The following PTPRD variants were observed in gnomAD, a reference collection of about 807,000 sequenced individuals.
The protein encoded by PTPRD is protein tyrosine phosphatase receptor type D, also known as receptor-type tyrosine-protein phosphatase delta.
In PTPRD, 34 loss-of-function variants were observed where a neutral mutation model predicts 214.5. The observed-to-expected ratio is 0.16, with a 90% CI of 0.12 to 0.21. The LOEUF (loss-of-function observed/expected upper bound fraction) is 0.21. Ranked by LOEUF, PTPRD falls within the 10% of genes least tolerant of loss-of-function variation. The probability of loss-of-function intolerance (pLI) is 1.00; values close to 1 mark genes in which losing one functional copy is unlikely to be tolerated. For missense variants in PTPRD, 2,545 were observed against 2,398.7 expected, an observed-to-expected ratio of 1.06 and a Z score of -1.27; for synonymous variants, 1,128 against 845.7, an observed-to-expected ratio of 1.33 and a Z score of -5.79.
chr9:9,267,187 A>G (rs939394249), intron 9 of PTPRD, among the ~76,000 whole-genome samples: 1 of 151,278 alleles, frequency 6.6e-6, no homozygotes, highest in African/African-American at 2.4e-5. Flanking sequence ...TTAATACATA[A>G]AGAGCAAAAA....
intron 12 of PTPRD, among the ~76,000 whole-genome samples, chr9:8,644,699 G>C (rs914780202): frequency 6.6e-6 from 1 of 152,196 alleles, no homozygotes; most frequent in African/African-American, 2.4e-5. Context: ...TCCAACCGCT[G>C]CCTCACGGAG....
At chr9:9,571,129 T>C (rs1023971440) in intron 8 of PTPRD, among the ~76,000 whole-genome samples, 1 of 151,356 alleles carries the variant, frequency 6.6e-6, no homozygotes, top group Non-Finnish European at 1.5e-5. Context: ...GAAAAACACA[T>C]GCAATTCTAA....
intron 5 of PTPRD, among the ~76,000 whole-genome samples, chr9:9,874,993 A>G (rs2153723204): frequency 6.6e-6 from 1 of 152,300 alleles, no homozygotes. Flanking sequence ...TAAAGAGCAC[A>G]ATCACTTGTT....
intron 3 of PTPRD, among the ~76,000 whole-genome samples, chr9:10,256,964 C>G (rs2093331585): frequency 6.6e-6 from 1 of 152,110 alleles, no homozygotes; most frequent in South Asian, 2.1e-4. Flanking sequence ...TGATAAATAT[C>G]CCATTATATA....
intron 14 of PTPRD, among the ~76,000 whole-genome samples, chr9:8,571,041 C>A (rs190748914): frequency 1.3e-5 from 2 of 152,000 alleles, no homozygotes; most frequent in Non-Finnish European, 2.9e-5. Context: ...CACATGGCTT[C>A]CACTGAGTGC....
At chr9:10,458,157 T>G (rs985165778) in intron 2 of PTPRD, among the ~76,000 whole-genome samples, 1 of 152,078 alleles carries the variant, frequency 6.6e-6, no homozygotes, top group African/African-American at 2.4e-5. Context: ...CCTTCTTAAC[T>G]TCTTCCATAA....
chr9:10,005,826 A>G (rs941088193), intron 4 of PTPRD, among the ~76,000 whole-genome samples: 1 of 152,094 alleles, frequency 6.6e-6, no homozygotes, highest in Non-Finnish European at 1.5e-5. Flanking sequence ...ATTCATAAAG[A>G]TATTTCATTA....
In PTPRD at chr9:10,290,440, C is replaced by G. The variant is rs1193490954; in HGVS notation, c.-545+50523G>C. Among the ~76,000 whole-genome samples the G allele has an allele frequency of 2.0e-5, 3 of 152,234 alleles. No individual in the cohort carries two copies. In the East Asian group the frequency reaches 5.8e-4, roughly 29 times the overall value. The stretch of plus-strand genomic sequence containing the variant: ...AAAAAGAATGTCAGACATTTGCTTT[C>G]AGGATTATGGTACTACATGAGAAAG... On this transcript the variant is annotated intron_variant, in intron 3 of 45. Transcript: ENST00000381196.
Position 9,894,399 on chromosome 9 carries a change from T to C in PTPRD, c.-368+44108A>G, listed in dbSNP as rs10125811. On this transcript the variant is annotated intron_variant, in intron 5 of 45. Coordinates refer to ENST00000381196, the MANE Select transcript of PTPRD (RefSeq NM_002839.4). The stretch of plus-strand genomic sequence containing the variant: ...TTTCTACTACCTCTCTCAAGGCTCA[T>C]TGTCTCTACAATTTGCCTTTAGCTC... 5.4e-3 allele frequency among the ~76,000 whole-genome samples: 815 copies of C among 152,240 alleles called. 9 individuals carry two copies. Among genetic ancestry groups the C allele is most frequent in the African/African-American group, 0.018 (766 of 41,576 alleles).
chr9:9,273,203 T>C (rs747460579), intron 9 of PTPRD, among the ~76,000 whole-genome samples: 3 of 151,314 alleles, frequency 2.0e-5, no homozygotes, highest in Admixed American at 6.6e-5. Flanking sequence ...GATTTCCAAG[T>C]TGCTAGTAAA....
At chr9:9,494,296 G>C (rs1297768992) in intron 8 of PTPRD, among the ~76,000 whole-genome samples, 1 of 152,220 alleles carries the variant, frequency 6.6e-6, no homozygotes, top group Non-Finnish European at 1.5e-5. Flanking sequence ...GACATGATTT[G>C]AGAAAACTGA....
At chr9:8,485,040 C>T (rs767752201) in intron 29 of PTPRD, among the ~76,000 whole-genome samples, 187 bp downstream of exon 29, 2 of 152,162 alleles carry the variant, frequency 1.3e-5, no homozygotes, top group East Asian at 1.9e-4. Flanking sequence ...GCTCCTGCTC[C>T]TTCTTCAGAG....
At chr9:8,794,852 T>C (rs547130141) in intron 11 of PTPRD, among the ~76,000 whole-genome samples, 4 of 151,598 alleles carry the variant, frequency 2.6e-5, no homozygotes, top group Non-Finnish European at 5.9e-5. Context: ...TATGAACTTA[T>C]GATCATGAAA....
intron 8 of PTPRD, among the ~76,000 whole-genome samples, chr9:9,430,054 C>T (rs1214994970): frequency 6.6e-6 from 1 of 152,140 alleles, no homozygotes; most frequent in African/African-American, 2.4e-5. Context: ...CTGGCCAGGG[C>T]AATCAGGCAG....
chr9:8,916,667 C>A (rs1357975360), intron 11 of PTPRD, among the ~76,000 whole-genome samples: 1 of 152,128 alleles, frequency 6.6e-6, no homozygotes, highest in East Asian at 1.9e-4. Context: ...TTAATATAAT[C>A]AAAAGTAGCA....
chr9:8,585,539 G>C (rs2093579570), intron 14 of PTPRD, among the ~76,000 whole-genome samples: 1 of 152,272 alleles, frequency 6.6e-6, no homozygotes, highest in Non-Finnish European at 1.5e-5. Flanking sequence ...AATTTCATTT[G>C]GGTCACATTA....
At chr9:9,420,258 A>C in intron 8 of PTPRD, among the ~76,000 whole-genome samples, 1 of 151,868 alleles carries the variant, frequency 6.6e-6, no homozygotes, top group East Asian at 1.9e-4. Flanking sequence ...TCTGAAGTGT[A>C]AACTATTTTA....
chr9:8,814,010 C>T (rs1471693753), intron 11 of PTPRD, among the ~76,000 whole-genome samples: 1 of 152,184 alleles, frequency 6.6e-6, no homozygotes, highest in Non-Finnish European at 1.5e-5. Flanking sequence ...ATTTATTTTT[C>T]TCCCCTCTAA....
At chr9:10,610,231 C>G (rs1475991860) in intron 2 of PTPRD, among the ~76,000 whole-genome samples, 2 of 152,122 alleles carry the variant, frequency 1.3e-5, no homozygotes, top group African/African-American at 4.8e-5. Flanking sequence ...AGACAGGGAT[C>G]AAATGCATGT....
Sources: allele counts gnomAD v4.1 joint callset (sites outside exome capture counted in the v4.1 genomes callset), GRCh38; gene constraint gnomAD v4.1.1; transcripts MANE v1.5; gene names NCBI Gene and HGNC (gene_info 2026-07-23, HGNC 2026-07-21).